BCL2L15: variants seen among roughly 807,000 people sequenced by gnomAD.
The protein encoded by BCL2L15 is BCL2 like 15.
A neutral mutation model predicts 18.3 loss-of-function variants in BCL2L15; 15 were observed. That is an observed-to-expected ratio of 0.82 (90% CI 0.55 to 1.26). The LOEUF is 1.26. Among genes scored for constraint, BCL2L15 ranks in the 50% most tolerant of loss-of-function variants. The pLI, the probability that BCL2L15 is intolerant of heterozygous loss-of-function variation, is 0.00. For synonymous variants in BCL2L15, 58 were observed against 68.5 expected, an observed-to-expected ratio of 0.85 and a Z score of 0.76; for missense variants, 180 against 201.7, an observed-to-expected ratio of 0.89 and a Z score of 0.65.
At position 113,878,286 on chromosome 1, in the gene BCL2L15, A is replaced by G. The variant is rs1034835508; in HGVS notation, c.*2837T>C. ...ACAGAAGAATTATGTCTCTTGCCCAATGTCACATAATTAGCCTATGGTGAA... is the reference window on the plus strand; with the variant it reads ...ACAGAAGAATTATGTCTCTTGCCCAGTGTCACATAATTAGCCTATGGTGAA... On this transcript the variant is annotated 3_prime_UTR_variant, in exon 4 of 4. Transcript: ENST00000393316. The G allele has an allele frequency of 6.6e-5, 10 of 152,264 alleles. No homozygotes were observed. The East Asian group carries it at 1.7e-3, about 26-fold the overall frequency. The allele number at this position is 152,264 out of a possible 1,614,324, so 9.4% of individuals were successfully genotyped here.
rs951887069 is a variant in BCL2L15, at chr1:113,878,941, C to T, written c.*2182G>A. On this transcript the variant is annotated 3_prime_UTR_variant, in exon 4 of 4. Coordinates refer to ENST00000393316, the MANE Select transcript of BCL2L15 (RefSeq NM_001010922.3). ...CTCAGCTCACAGCAACCTCCGCCTCCCAGGTTCAAGTGATTCTCCTGCCTC... is the reference window on the plus strand; with the variant it reads ...CTCAGCTCACAGCAACCTCCGCCTCTCAGGTTCAAGTGATTCTCCTGCCTC... The T allele has an allele frequency of 1.4e-4, 22 of 152,162 alleles. No individual in the cohort carries two copies. The highest frequency in any genetic ancestry group is 5.3e-4 in the African/African-American group (22 of 41,404). 9.4% of individuals were successfully genotyped at this position (152,162 alleles called of 1,614,324 possible).
intron 2 of BCL2L15, among the ~76,000 whole-genome samples, chr1:113,885,693 G>A (rs112274826): frequency 2.3e-3 from 357 of 152,294 alleles, no homozygotes; most frequent in African/African-American, 8.1e-3. Flanking sequence ...TTTTTAGGTA[G>A]AGACGGGGTT....
In BCL2L15 at chr1:113,880,939, T is replaced by G; in HGVS notation, c.*184A>C. 5.5e-6 allele frequency: 4 copies of G among 725,776 alleles called. No homozygotes were observed. The highest frequency in any genetic ancestry group is 9.1e-6 in the Non-Finnish European group (4 of 437,966). The allele number at this position is 725,776 out of a possible 1,614,324, so 45.0% of individuals were successfully genotyped here. A position where few individuals can be genotyped will look rare whatever the true frequency, so the allele number is the denominator to read the frequency against. On this transcript the variant is annotated 3_prime_UTR_variant, in exon 4 of 4. Coordinates refer to ENST00000393316, the MANE Select transcript of BCL2L15 (RefSeq NM_001010922.3). The stretch of plus-strand genomic sequence containing the variant: ...AAAACAAAACAAAACAAAAACCAAC[T>G]CTGCAGGCCTCTGGCAGCTGCTCCC...
Position 113,887,252 on chromosome 1 carries a change from A to T in BCL2L15, c.124T>A (p.Ser42Thr). 6.2e-7 allele frequency: 1 copy of T among 1,613,572 alleles called. No homozygotes were observed. Among genetic ancestry groups the T allele is most frequent in the East Asian group, 2.2e-5 (1 of 44,840 alleles). ...CCGCCTAGGGCAGGAACCTTACCTG[A>T]ATCTACTTCATCTACACAGCATAGG... is the stretch of plus-strand genomic sequence containing the variant. The part of the protein sequence containing the change: ...RNLCCVDEVD[S>T]GEPCSFDVAI... Residue 42 changes from serine (S) to threonine (T), a missense_variant, in exon 1 of 4, where the codon TCA (serine) becomes ACA (threonine). Coordinates refer to ENST00000393316, the MANE Select transcript of BCL2L15 (RefSeq NM_001010922.3).
chr1:113,881,612 AT>A, intron 3 of BCL2L15, 160 bp downstream of exon 3: 3 of 1,434,610 alleles, frequency 2.1e-6, no homozygotes. Flanking sequence ...TGTCTGCTCC[AT>A]TTTTCCATGG....
At chr1:113,884,093 C>A (rs1042108619) in intron 2 of BCL2L15, among the ~76,000 whole-genome samples, 8 of 152,242 alleles carry the variant, frequency 5.3e-5, no homozygotes, top group African/African-American at 1.9e-4. Flanking sequence ...TTTCAAAGTA[C>A]CTCTCCATAA....
rs998790483 is a variant in BCL2L15 at position 113,880,429 on chromosome 1, A to T, written c.*694T>A. ...ATCACGAGGTCAGGAGATCCAGACC[A>T]TCCTGGCTAACACGGCGAAACCTCA... is the stretch of plus-strand genomic sequence containing the variant. On this transcript the variant is annotated 3_prime_UTR_variant, in exon 4 of 4. Transcript: ENST00000393316. 2 of 152,338 alleles carry T rather than the reference A, an allele frequency of 1.3e-5. No homozygotes were observed. Among genetic ancestry groups the T allele is most frequent in the South Asian group, 4.1e-4 (2 of 4,840 alleles). The allele number at this position is 152,338 out of a possible 1,614,324, so 9.4% of individuals were successfully genotyped here.
Position 113,877,266 on chromosome 1 carries a change from C to T in BCL2L15, c.*3857G>A, listed in dbSNP as rs893593324. ...TATATAGGGCAGTTAGGGCCAGATA[C>T]TGGGGGAATTTGAATATCAGACTGT... On this transcript the variant is annotated 3_prime_UTR_variant, in exon 4 of 4. Transcript: ENST00000393316. 6.6e-6 allele frequency among the ~76,000 whole-genome samples: 1 copy of T among 150,398 alleles called. No homozygotes were observed. Among genetic ancestry groups the T allele is most frequent in the Non-Finnish European group, 1.5e-5 (1 of 67,860 alleles).
intron 2 of BCL2L15, among the ~76,000 whole-genome samples, chr1:113,885,732 C>T (rs1279056658): frequency 2.6e-5 from 4 of 152,170 alleles, no homozygotes. Context: ...TGGTCTGGAA[C>T]TCCTGACCTC....
At chr1:113,881,173 G>A in intron 3 of BCL2L15, 33 bp from the exon 4 acceptor site, 1 of 1,613,870 alleles carries the variant, frequency 6.2e-7, no homozygotes, top group Non-Finnish European at 8.5e-7. Flanking sequence ...TACAGTCAAA[G>A]GAATTGCTTT....
Position 113,881,076 on chromosome 1 carries a change from C to T in BCL2L15, c.*47G>A. On this transcript the variant is annotated 3_prime_UTR_variant, in exon 4 of 4. Coordinates refer to ENST00000393316, the MANE Select transcript of BCL2L15 (RefSeq NM_001010922.3). ...AATTCCCAGGAATCAATCACCCAAT[C>T]AGTCAACAAGGAAGTGATGTTCAGT... 1 of 1,613,592 alleles carries T rather than the reference C, an allele frequency of 6.2e-7. No homozygotes were observed. The highest frequency in any genetic ancestry group is 8.5e-7 in the Non-Finnish European group (1 of 1,179,552).
chr1:113,881,058 A>G lies in BCL2L15; in HGVS notation c.*65T>C. The G allele has an allele frequency of 6.2e-7, 1 of 1,611,436 alleles. No individual in the cohort carries two copies. Among genetic ancestry groups the G allele is most frequent in the Non-Finnish European group, 8.5e-7 (1 of 1,177,762 alleles). On this transcript the variant is annotated 3_prime_UTR_variant, in exon 4 of 4. Transcript: ENST00000393316. Reference sequence around the variant, plus strand: ...TTTTTATTTGTTTGTTTGAATTCCCAGGAATCAATCACCCAATCAGTCAAC... The same window carrying G: ...TTTTTATTTGTTTGTTTGAATTCCCGGGAATCAATCACCCAATCAGTCAAC...
At chr1:113,885,046 C>G (rs1044066781) in intron 2 of BCL2L15, among the ~76,000 whole-genome samples, 1 of 152,002 alleles carries the variant, frequency 6.6e-6, no homozygotes, top group Non-Finnish European at 1.5e-5. Context: ...CCTTCTGCCT[C>G]CTGGGTTCAA....
In BCL2L15 at chr1:113,879,894, T is replaced by G. The variant is rs750387489; in HGVS notation, c.*1229A>C. The G allele has an allele frequency of 6.6e-6, 1 of 152,234 alleles. No homozygotes were observed. The highest frequency in any genetic ancestry group is 1.5e-5 in the Non-Finnish European group (1 of 68,040). 9.4% of individuals were successfully genotyped at this position (152,234 alleles called of 1,614,324 possible). On this transcript the variant is annotated 3_prime_UTR_variant, in exon 4 of 4. Transcript: ENST00000393316. ...CAGATTTGACGCGTGGGTTGTAATTTATCAATCTATTCTCTATAGTGATGG... is the reference window on the plus strand; with the variant it reads ...CAGATTTGACGCGTGGGTTGTAATTGATCAATCTATTCTCTATAGTGATGG...
intron 1 of BCL2L15, among the ~76,000 whole-genome samples, chr1:113,887,045 G>A (rs534791954): frequency 1.3e-5 from 2 of 152,090 alleles, no homozygotes; most frequent in East Asian, 3.9e-4. Flanking sequence ...CTGCAGGCAT[G>A]AGCCACCACA....
chr1:113,886,245 C>G (rs1210028991), intron 2 of BCL2L15, among the ~76,000 whole-genome samples: 1 of 145,798 alleles, frequency 6.9e-6, no homozygotes, highest in Non-Finnish European at 1.5e-5. Context: ...AGATACTATA[C>G]TTTGCCAAGA....
At chr1:113,882,021 C>A in intron 2 of BCL2L15, 24 bp from the exon 3 acceptor site, 1 of 1,599,022 alleles carries the variant, frequency 6.3e-7, no homozygotes, top group Non-Finnish European at 8.6e-7. Context: ...AAGGAAACAT[C>A]AACAGAGTAT....
chr1:113,884,729 ATTT>A (rs35255785), intron 2 of BCL2L15, among the ~76,000 whole-genome samples: 1 of 151,506 alleles, frequency 6.6e-6, no homozygotes, highest in Non-Finnish European at 1.5e-5. Flanking sequence ...TTCAAAATAT[ATTT>A]TTTTTTATTA....
At chr1:113,884,437 T>C (rs1022099842) in intron 2 of BCL2L15, among the ~76,000 whole-genome samples, 3 of 152,212 alleles carry the variant, frequency 2.0e-5, no homozygotes, top group Non-Finnish European at 2.9e-5. Flanking sequence ...AAATCACAAC[T>C]AAATGCAGTA....
Sources: allele counts gnomAD v4.1 joint callset (sites outside exome capture counted in the v4.1 genomes callset), GRCh38; gene constraint gnomAD v4.1.1; transcripts MANE v1.5; gene names NCBI Gene and HGNC (gene_info 2026-07-23, HGNC 2026-07-21).